Variants in CCDC88C observed in about 807,000 individuals in gnomAD.
The protein encoded by CCDC88C is coiled-coil and HOOK domain protein 88C.
Under a neutral mutation model 198.8 loss-of-function variants are expected in CCDC88C, and 131 were observed. That is an observed-to-expected ratio of 0.66 (90% CI 0.57 to 0.76). CCDC88C has a LOEUF of 0.76. Ranked by LOEUF, CCDC88C falls within the 30% of genes least tolerant of loss-of-function variation. The pLI, the probability that CCDC88C is intolerant of heterozygous loss-of-function variation, is 0.00. For missense variants in CCDC88C, 2,553 were observed against 2,631.6 expected (o/e 0.97, Z 0.65); for synonymous variants, 1,166 against 1,114.7 (o/e 1.05, Z -0.92).
intron 15 of CCDC88C, among the ~76,000 whole-genome samples, chr14:91,312,271 C>G (rs1230261191): frequency 6.6e-6 from 1 of 152,016 alleles, no homozygotes; most frequent in African/African-American, 2.4e-5. Flanking sequence ...TGTCTGTAAT[C>G]CCAATACTTA....
chr14:91,379,722 A>C (rs1884664622), intron 3 of CCDC88C: 1 of 658,722 alleles, frequency 1.5e-6, no homozygotes, highest in Non-Finnish European at 2.8e-6. Flanking sequence ...GCCCACAGTG[A>C]TGGCCTTCCA....
Position 91,338,516 on chromosome 14 carries a change from C to T in CCDC88C, c.864G>A (p.Val288=). 1 of 1,571,146 alleles carries T rather than the reference C, an allele frequency of 6.4e-7. No individual in the cohort carries two copies. Reference sequence around the variant, plus strand: ...CCTGCTTAACTTTCTGCAGTTCCAGCACCAGCTGGTCCACCTCATGTCTGG... The same window carrying T: ...CCTGCTTAACTTTCTGCAGTTCCAGTACCAGCTGGTCCACCTCATGTCTGG... ...VDTRHEVDQL[V]LELQKVKQEN... is the part of the protein sequence containing the mutation. The change falls in exon 9 of 30, where the codon GTG becomes GTA. Residue 288 remains valine, a synonymous_variant. Coordinates refer to ENST00000389857, the MANE Select transcript of CCDC88C (RefSeq NM_001080414.4). This position sits in a 1 kb window ranked among gnomAD's most constrained non-coding sequence, Gnocchi z 4.8.
At chr14:91,283,188 A>G in intron 26 of CCDC88C, 141 bp downstream of exon 26, 1 of 867,098 alleles carries the variant, frequency 1.2e-6, no homozygotes, top group Non-Finnish European at 1.7e-6. Flanking sequence ...GTGCCACCAA[A>G]GCCTGTCAGC....
At chr14:91,293,031 T>TGCCC (rs1890732415) in intron 23 of CCDC88C, among the ~76,000 whole-genome samples, 2 of 151,178 alleles carry the variant, frequency 1.3e-5, no homozygotes, top group East Asian at 2.0e-4. Context: ...CACCTTCCCG[T>TGCCC]CCTCACCTGC....
At chr14:91,354,847 G>A (rs1346565630) in intron 4 of CCDC88C, among the ~76,000 whole-genome samples, 2 of 152,186 alleles carry the variant, frequency 1.3e-5, no homozygotes, top group African/African-American at 4.8e-5. Context: ...AGTATGCAAT[G>A]CCACAGAGGG....
At chr14:91,392,648 C>A (rs1388604643) in intron 3 of CCDC88C, among the ~76,000 whole-genome samples, 1 of 152,134 alleles carries the variant, frequency 6.6e-6, no homozygotes, top group Admixed American at 6.5e-5. Flanking sequence ...CAGCCCAGCC[C>A]GAGGACCTGG....
chr14:91,354,966 G>A (rs1174166342), intron 4 of CCDC88C, among the ~76,000 whole-genome samples: 1 of 152,192 alleles, frequency 6.6e-6, no homozygotes, highest in Non-Finnish European at 1.5e-5. Context: ...AGACAGGTGG[G>A]GCCACACTGA....
chr14:91,417,043 G>A (rs1006662793), intron 1 of CCDC88C: 4 of 700,152 alleles, frequency 5.7e-6, no homozygotes, highest in African/African-American at 5.2e-5. Flanking sequence ...ACACGAGACA[G>A]GAGGAAAAAC....
Position 91,416,776 on chromosome 14 carries a change from T to A in CCDC88C, c.123A>T (p.Leu41Phe). 6.2e-7 allele frequency: 1 copy of A among 1,613,670 alleles called. No individual in the cohort carries two copies. The highest frequency in any genetic ancestry group is 8.5e-7 in the Non-Finnish European group (1 of 1,179,782). ...SQDNLTMYMD[L>F]VDGIFLNQIM... ...TTTGGTTCAAAAAGATGCCGTCCAC[T>A]AAATCCATGTACATAGTCAGGTTGT... Residue 41 changes from leucine (L) to phenylalanine (F), a missense_variant, in exon 2 of 30, where the codon TTA (leucine) becomes TTT (phenylalanine). Coordinates refer to ENST00000389857, the MANE Select transcript of CCDC88C (RefSeq NM_001080414.4).
chr14:91,337,730 G>A (rs1050830486), intron 10 of CCDC88C, among the ~76,000 whole-genome samples: 1 of 152,218 alleles, frequency 6.6e-6, no homozygotes. Context: ...ACGGATAGAA[G>A]GTGATCATAA....
chr14:91,330,782 G>A (rs780173542), intron 10 of CCDC88C, among the ~76,000 whole-genome samples: 6 of 151,982 alleles, frequency 3.9e-5, no homozygotes, highest in South Asian at 2.1e-4. Flanking sequence ...TGGATAACCC[G>A]GGTACACTGA....
chr14:91,417,394 C>T, intron 1 of CCDC88C: 2 of 575,914 alleles, frequency 3.5e-6, no homozygotes, highest in Admixed American at 6.7e-5. Context: ...CGGCTCCTGG[C>T]CCGGCCGAAA....
chr14:91,275,552 A>G (rs1889920955), intron 29 of CCDC88C, among the ~76,000 whole-genome samples: 1 of 150,172 alleles, frequency 6.7e-6, no homozygotes, highest in African/African-American at 2.5e-5. Flanking sequence ...ATCTCGGTTC[A>G]CTGCAACCTG....
Position 91,294,316 on chromosome 14 carries a change from C to T in CCDC88C, c.3969G>A (p.Leu1323=), listed in dbSNP as rs8017119. Residue 1323 remains leucine (L), a splice_region_variant and synonymous_variant, in exon 23 of 30, where the codon CTG becomes CTA. Transcript: ENST00000389857. The stretch of plus-strand genomic sequence containing the variant: ...CCAAGTTCCCCTTGAGACGGGAGAG[C>T]AGCTAGAACACAGACCAACAGCGTC... ...SLTKLDNHCE[L]LSRLKGNLEE... is the part of the protein sequence containing the mutation. 0.013 allele frequency: 20,487 copies of T among 1,613,794 alleles called. 160 individuals carry two copies. Among genetic ancestry groups the T allele is most frequent in the Non-Finnish European group, 0.015 (17,782 of 1,179,790 alleles).
chr14:91,284,625 C>T lies in CCDC88C; in HGVS notation c.4442-1108G>A, dbSNP rs1193608036. Among the ~76,000 whole-genome samples the T allele has an allele frequency of 2.6e-5, 4 of 152,228 alleles. No homozygotes were observed. Among genetic ancestry groups the T allele is most frequent in the East Asian group, 1.9e-4 (1 of 5,202 alleles). Reference sequence around the variant, plus strand: ...GGCAGGTCTGGAGGACCCGGCACCACGGCAGCCCAGGGTTCCCAGAGCGAG... The same window carrying T: ...GGCAGGTCTGGAGGACCCGGCACCATGGCAGCCCAGGGTTCCCAGAGCGAG... On this transcript the variant is annotated intron_variant, in intron 25 of 29. Coordinates refer to ENST00000389857, the MANE Select transcript of CCDC88C (RefSeq NM_001080414.4). The surrounding 1 kb of genome is among the most constrained non-coding windows in gnomAD (Gnocchi z 4.1).
At chr14:91,354,035 C>A (rs527983697) in intron 4 of CCDC88C, among the ~76,000 whole-genome samples, 1 of 152,176 alleles carries the variant, frequency 6.6e-6, no homozygotes, top group Admixed American at 6.5e-5. Context: ...ATCTGTCTTG[C>A]GCCTATGGGG....
chr14:91,277,164 T>C (rs2139717279), intron 29 of CCDC88C, among the ~76,000 whole-genome samples: 1 of 152,090 alleles, frequency 6.6e-6, no homozygotes, highest in African/African-American at 2.4e-5. Flanking sequence ...GAGACAAGTG[T>C]CTCTACAACT....
In CCDC88C at chr14:91,338,488, C is replaced by T; in HGVS notation, c.891+1G>A. ...CACACAGGCTCAGGCCCCCGACTCA[C>T]CTCCTGCTTAACTTTCTGCAGTTCC... is the stretch of plus-strand genomic sequence containing the variant. On this transcript the variant is annotated splice_donor_variant, in intron 9 of 29. Transcript: ENST00000389857. LOFTEE classifies it high-confidence loss of function. This position sits in a 1 kb window ranked among gnomAD's most constrained non-coding sequence, Gnocchi z 4.8. 1 of 1,563,306 alleles carries T rather than the reference C, an allele frequency of 6.4e-7. No individual in the cohort carries two copies. Among genetic ancestry groups the T allele is most frequent in the Non-Finnish European group, 8.7e-7 (1 of 1,153,988 alleles).
rs758916274 is a variant in CCDC88C at position 91,321,173 on chromosome 14, T to C, written c.1474A>G (p.Ser492Gly). ...LRDASLVLEE[S>G]GLKCGELEKE... The stretch of plus-strand genomic sequence containing the variant: ...TCCAGCTCCCCGCACTTGAGGCCGC[T>C]CTCCTCCAACACCAGGGACGCGTCC... Residue 492 changes from serine (S) to glycine (G), a missense_variant, in exon 13 of 30, where the codon AGC (serine) becomes GGC (glycine). Around this residue, in one of 2 missense-constraint regions of CCDC88C, gnomAD observed 1,260 missense variants for 1,412.0 expected, o/e 0.89. Transcript: ENST00000389857. 6 of 1,613,228 alleles carry C rather than the reference T, an allele frequency of 3.7e-6. No homozygotes were observed. The highest frequency in any genetic ancestry group is 5.1e-6 in the Non-Finnish European group (6 of 1,179,652).
Sources: allele counts gnomAD v4.1 joint callset (sites outside exome capture counted in the v4.1 genomes callset), GRCh38; gene constraint gnomAD v4.1.1; regional missense constraint gnomAD v4.1.1; non-coding constraint Gnocchi (gnomAD v3.1); transcripts MANE v1.5; gene names NCBI Gene and HGNC (gene_info 2026-07-23, HGNC 2026-07-21).